The following POTEE variants were observed in gnomAD, a reference collection of about 807,000 sequenced individuals.
POTEE encodes POTE ankyrin domain family member E, also known as ANKRD26-like family C member 1A.
Under a neutral mutation model 74.2 loss-of-function variants are expected in POTEE, and 21 were observed. That is an observed-to-expected ratio of 0.28 (90% CI 0.20 to 0.41). The LOEUF (loss-of-function observed/expected upper bound fraction) is 0.41, where lower values mean the gene tolerates loss of function less well. Ranked by LOEUF, POTEE falls within the 10% of genes least tolerant of loss-of-function variation. POTEE has a pLI of 1.00. For missense variants in POTEE, 525 were observed against 1,158.6 expected (o/e 0.45, Z 7.94); for synonymous variants, 211 against 432.8 (o/e 0.49, Z 6.36).
At chr2:131,209,946 T>C (rs1171746178) in intron 1 of POTEE, among the ~76,000 whole-genome samples, 127 bp downstream of exon 1, 10 of 126,138 alleles carry the variant, frequency 7.9e-5, no homozygotes, top group African/African-American at 3.0e-4. Flanking sequence ...GAGGTTGCAT[T>C]GCTGGCGGTG....
chr2:131,222,991 A>G (rs2105074945), intron 4 of POTEE, among the ~76,000 whole-genome samples: 1 of 151,966 alleles, frequency 6.6e-6, no homozygotes, highest in South Asian at 2.1e-4. Context: ...CGCAAATTAT[A>G]GTAAATCATG....
At chr2:131,216,314 T>C (rs1700440804) in intron 2 of POTEE, among the ~76,000 whole-genome samples, 1 of 152,346 alleles carries the variant, frequency 6.6e-6, no homozygotes, top group African/African-American at 2.4e-5. Context: ...AATGTCATTC[T>C]TCACAGAAAT....
At chr2:131,226,741 A>G in intron 6 of POTEE, 82 bp from the exon 7 acceptor site, 1 of 1,596,536 alleles carries the variant, frequency 6.3e-7, no homozygotes, top group South Asian at 1.1e-5. Flanking sequence ...AGTCCATAAG[A>G]TCTTACATAA....
At chr2:131,214,200 C>T (rs1465702508) in intron 2 of POTEE, among the ~76,000 whole-genome samples, 14 of 152,218 alleles carry the variant, frequency 9.2e-5, no homozygotes, top group African/African-American at 3.4e-4. Flanking sequence ...GCAGACAGGT[C>T]CCTCTCAAAA....
rs201534564 is a variant in POTEE, at chr2:131,263,450, G to A, written c.1995G>A (p.Met665Ile). The A allele has an allele frequency of 0.1, 153,304 of 1,498,862 alleles. 1 individual carries two copies. Among genetic ancestry groups the A allele is most frequent in the African/African-American group, 0.14 (8,515 of 61,302 alleles). 92.8% of individuals were successfully genotyped at this position (1,498,862 alleles called of 1,614,324 possible). A position where few individuals can be genotyped will look rare whatever the true frequency, so the allele number is the denominator to read the frequency against. Residue 665 changes from methionine to isoleucine, a missense_variant, in exon 18 of 18, where the codon ATG becomes ATA. By Grantham distance (10) the Met-to-Ile change is conservative. Coordinates refer to ENST00000683005, the MANE Select transcript of POTEE (RefSeq NM_001083538.3). Reference protein sequence around the residue: ...IAMLRLELDTMKHQSQLREKK... With the variant: ...IAMLRLELDTIKHQSQLREKK... ...TGCTAAGACTGGAGCTAGACACAAT[G>A]AAACATCAGAGCCAGCTAAGAGAAA...
chr2:131,264,939 T>A lies in POTEE; in HGVS notation c.*256T>A. On this transcript the variant is annotated 3_prime_UTR_variant, in exon 18 of 18. Coordinates refer to ENST00000683005, the MANE Select transcript of POTEE (RefSeq NM_001083538.3). ...TCTTCTTTTCAATAGTCATTCCAAA[T>A]ATTGTGAGACGCATTGTTTCAGGAA... 1 of 615,726 alleles carries A rather than the reference T, an allele frequency of 1.6e-6. No homozygotes were observed. The highest frequency in any genetic ancestry group is 2.8e-6 in the Non-Finnish European group (1 of 353,380). 38.1% of individuals were successfully genotyped at this position (615,726 alleles called of 1,614,324 possible).
intron 9 of POTEE, among the ~76,000 whole-genome samples, chr2:131,235,344 C>G (rs1380208608): frequency 1.3e-5 from 2 of 152,004 alleles, no homozygotes; most frequent in African/African-American, 4.8e-5. Context: ...TTGGAGCAGA[C>G]GGGACAGACA....
chr2:131,219,472 G>T (rs927150107), intron 4 of POTEE, among the ~76,000 whole-genome samples: 2 of 152,068 alleles, frequency 1.3e-5, no homozygotes, highest in African/African-American at 4.8e-5. Flanking sequence ...TGGGCGCGGT[G>T]GCTCACGCCT....
chr2:131,235,812 AAGAAAG>A (rs1701114528), intron 9 of POTEE, among the ~76,000 whole-genome samples: 1 of 150,784 alleles, frequency 6.6e-6, no homozygotes, highest in Non-Finnish European at 1.5e-5. Context: ...AAAAAAAAAA[AAGAAAG>A]AAAAAAGAAA....
chr2:131,211,675 C>T (rs1411430688), intron 2 of POTEE, among the ~76,000 whole-genome samples: 1 of 150,688 alleles, frequency 6.6e-6, no homozygotes, highest in Non-Finnish European at 1.5e-5. Context: ...GCCTCAGCCT[C>T]CCTAGTAGCT....
intron 8 of POTEE, chr2:131,229,752 G>C (rs991331978): frequency 2.0e-5 from 3 of 152,168 alleles, no homozygotes; most frequent in Non-Finnish European, 4.4e-5. Flanking sequence ...TTGCTGACTA[G>C]CTCTGAGGAA....
At position 131,209,570 on chromosome 2, in the gene POTEE, G is replaced by A. The variant is rs529897838; in HGVS notation, c.-594G>A. ...TCTTAAGTGTGGGCGTTTGGTAACC[G>A]GCATGGCTGCTACCTGTTTCTGGCT... On this transcript the variant is annotated 5_prime_UTR_variant, in exon 1 of 18. Transcript: ENST00000683005. 3.3e-5 allele frequency among the ~76,000 whole-genome samples: 5 copies of A among 152,326 alleles called. No homozygotes were observed. The highest frequency in any genetic ancestry group is 1.9e-4 in the East Asian group (1 of 5,178).
intron 3 of POTEE, 26 bp from the exon 4 acceptor site, chr2:131,218,284 T>G: frequency 1.3e-6 from 2 of 1,566,622 alleles, no homozygotes; most frequent in Non-Finnish European, 1.7e-6. Context: ...AGGTTTTGGC[T>G]GGGATTGACA....
intron 1 of POTEE, among the ~76,000 whole-genome samples, 164 bp downstream of exon 1, chr2:131,209,983 C>T (rs569839612): frequency 2.0e-3 from 181 of 88,924 alleles, no homozygotes; most frequent in African/African-American, 7.4e-3. Flanking sequence ...GCTGGCTGTC[C>T]GGGGCTACAC....
intron 16 of POTEE, among the ~76,000 whole-genome samples, chr2:131,261,318 C>T (rs1412207397): frequency 4.3e-5 from 5 of 115,076 alleles, no homozygotes; most frequent in Admixed American, 3.9e-4. Flanking sequence ...TTATGAGAAT[C>T]GAATGCCTTT....
chr2:131,210,511 G>A (rs940216110), intron 1 of POTEE, among the ~76,000 whole-genome samples: 8 of 151,888 alleles, frequency 5.3e-5, no homozygotes, highest in Non-Finnish European at 8.8e-5. Flanking sequence ...TGGTCTCCTT[G>A]CTCCTTCGGG....
intron 2 of POTEE, among the ~76,000 whole-genome samples, chr2:131,212,993 T>C (rs1162877062): frequency 1.3e-5 from 2 of 150,144 alleles, no homozygotes; most frequent in Non-Finnish European, 2.9e-5. Context: ...GAAGTCTCGC[T>C]CTTGTCCCCC....
intron 4 of POTEE, among the ~76,000 whole-genome samples, chr2:131,222,263 A>G (rs1316305954): frequency 3.3e-5 from 5 of 152,250 alleles, no homozygotes; most frequent in Non-Finnish European, 5.9e-5. Flanking sequence ...TTGCAGGGAC[A>G]TGGATGGTGT....
rs1358193746 is a variant in POTEE at position 131,264,005 on chromosome 2, C to T, written c.2550C>T (p.Gly850=). The change falls in exon 18 of 18, where the codon GGC becomes GGT. Residue 850 remains glycine, a synonymous_variant. Transcript: ENST00000683005. ...PSLYTSGRTT[G]IVMDSGDGVT... is the part of the protein sequence containing the mutation. ...TGTACACCTCTGGCCGTACTACTGG[C>T]ATCGTGATGGACTCTGGTGACGGGG... The T allele has an allele frequency of 2.5e-6, 4 of 1,614,102 alleles. No homozygotes were observed. The African/African-American group carries it at 5.3e-5, about 22-fold the overall frequency.
Sources: allele counts gnomAD v4.1 joint callset (sites outside exome capture counted in the v4.1 genomes callset), GRCh38; gene constraint gnomAD v4.1.1; transcripts MANE v1.5; gene names NCBI Gene and HGNC (gene_info 2026-07-23, HGNC 2026-07-21).